The following ZNF418 variants were observed in gnomAD, a reference collection of about 807,000 sequenced individuals.
The protein encoded by ZNF418 is zinc finger protein 418.
A neutral mutation model predicts 32.0 loss-of-function variants in ZNF418; 32 were observed. The ratio of observed to expected loss-of-function variants is 1.00; its 90% CI spans 0.75 to 1.34. The LOEUF (loss-of-function observed/expected upper bound fraction) is 1.34, where lower values mean the gene tolerates loss of function less well. Ranked by LOEUF, ZNF418 falls within the 40% of genes most tolerant of loss-of-function variation. The probability of loss-of-function intolerance (pLI) is 0.00; values close to 1 mark genes in which losing one functional copy is unlikely to be tolerated. For synonymous variants in ZNF418, 276 were observed against 270.7 expected (o/e 1.02, Z -0.19); for missense variants, 804 against 812.5 (o/e 0.99, Z 0.13).
chr19:57,925,177 C>T (rs996434368), intron 4 of ZNF418, among the ~76,000 whole-genome samples: 6 of 152,094 alleles, frequency 3.9e-5, no homozygotes, highest in Middle Eastern at 6.8e-3. Flanking sequence ...TCACATGAGA[C>T]CCGCTGGGTG....
rs2072452782 is a variant in ZNF418 at position 57,930,759 on chromosome 19, A to T, written c.7-205T>A. 2.0e-5 allele frequency among the ~76,000 whole-genome samples: 3 copies of T among 152,048 alleles called. No homozygotes were observed. The South Asian group carries it at 6.2e-4, about 32-fold the overall frequency. ...TCAGCAATTAAGAAGTAGGGGAAAA[A>T]TAGGGATCTATGCTGTGCTTGTTTT... On this transcript the variant is annotated intron_variant, in intron 2 of 5. Transcript: ENST00000396147.
intron 3 of ZNF418, among the ~76,000 whole-genome samples, chr19:57,929,967 A>G (rs1427542472): frequency 6.6e-6 from 1 of 152,210 alleles, no homozygotes; most frequent in African/African-American, 2.4e-5. Flanking sequence ...TACAGGCGTG[A>G]GCCACCGCAC....
At position 57,934,256 on chromosome 19, in the gene ZNF418, G is replaced by A. The variant is rs1017167768; in HGVS notation, c.-80-354C>T. The A allele has an allele frequency of 1.2e-5, 12 of 1,025,622 alleles. No homozygotes were observed. In the South Asian group the frequency reaches 2.8e-4, roughly 24 times the overall value. 63.5% of individuals were successfully genotyped at this position (1,025,622 alleles called of 1,614,324 possible). Reference sequence around the variant, plus strand: ...GTTCCTTTTTTTGAGCCAGAGTTTCGCTCTTGTTGCCCAGGCCGGAGTGCA... The same window carrying A: ...GTTCCTTTTTTTGAGCCAGAGTTTCACTCTTGTTGCCCAGGCCGGAGTGCA... On this transcript the variant is annotated intron_variant, in intron 1 of 5. Coordinates refer to ENST00000396147, the MANE Select transcript of ZNF418 (RefSeq NM_133460.3).
intron 2 of ZNF418, among the ~76,000 whole-genome samples, chr19:57,933,021 A>G (rs2072543172): frequency 6.6e-6 from 1 of 152,166 alleles, no homozygotes; most frequent in Admixed American, 6.5e-5. Flanking sequence ...CAAGCAAGAA[A>G]TTCAGCCCTC....
In ZNF418 at chr19:57,932,563, C is replaced by T. The variant is rs1008732546; in HGVS notation, c.6+1254G>A. 17 of 1,533,692 alleles carry T rather than the reference C, an allele frequency of 1.1e-5. 1 individual carries two copies. The South Asian group carries it at 1.9e-4, about 17-fold the overall frequency. On this transcript the variant is annotated intron_variant, in intron 2 of 5. Coordinates refer to ENST00000396147, the MANE Select transcript of ZNF418 (RefSeq NM_133460.3). Reference sequence around the variant, plus strand: ...ATGGCCCTATTCCACTTCTGTGTTGCACTTGGTGACCCCTCTACAATGACG... The same window carrying T: ...ATGGCCCTATTCCACTTCTGTGTTGTACTTGGTGACCCCTCTACAATGACG...
In ZNF418 at chr19:57,927,012, CGAT is replaced by C. The variant is rs756589463; in HGVS notation, c.1166_1168del (p.His389del). The C allele has an allele frequency of 1.2e-6, 2 of 1,614,160 alleles. No individual in the cohort carries two copies. The highest frequency in any genetic ancestry group is 1.1e-5 in the South Asian group (1 of 91,080). ...ATAAGGTCGTTCTCTAGTGTGAACT[CGAT>C]GATGTTCAGTTAGGGTGCCCTTTTG... On this transcript the variant is annotated inframe_deletion, in exon 4 of 6. Coordinates refer to ENST00000396147, the MANE Select transcript of ZNF418 (RefSeq NM_133460.3).
In ZNF418 at chr19:57,935,273, G is replaced by T. The variant is rs892395670; in HGVS notation, c.-193C>A. 5.4e-6 allele frequency: 6 copies of T among 1,121,262 alleles called. No individual in the cohort carries two copies. Among genetic ancestry groups the T allele is most frequent in the Admixed American group, 8.8e-5 (2 of 22,654 alleles). 69.5% of individuals were successfully genotyped at this position (1,121,262 alleles called of 1,614,324 possible). A position where few individuals can be genotyped will look rare whatever the true frequency, so the allele number is the denominator to read the frequency against. ...AAGATCTGCCTCTGTGCAGCAAGAA[G>T]GACTCTTCACCTTCTGGGTTCAGAC... On this transcript the variant is annotated 5_prime_UTR_variant, in exon 1 of 6. Coordinates refer to ENST00000396147, the MANE Select transcript of ZNF418 (RefSeq NM_133460.3).
chr19:57,924,204 T>C (rs2072121884), intron 4 of ZNF418, among the ~76,000 whole-genome samples: 1 of 151,912 alleles, frequency 6.6e-6, no homozygotes, highest in Admixed American at 6.6e-5. Flanking sequence ...TTGACAACTA[T>C]ACAAAATCTC....
In ZNF418 at chr19:57,926,803, T is replaced by C; in HGVS notation, c.1378A>G (p.Arg460Gly). ...GERPYECRECRKLFRGKSHLI... is the reference protein window; with the variant it reads ...GERPYECRECGKLFRGKSHLI... ...TGGGACTTGCCCCTAAATAATTTCC[T>C]ACACTCTCTACACTCATAAGGCCTT... The change falls in exon 4 of 6, where the codon AGG becomes GGG. Residue 460 changes from arginine to glycine, a missense_variant. Physicochemically the swap from Arg to Gly is moderately radical, Grantham distance 125 (BLOSUM62 -2). This residue lies in a region of ZNF418 where 475 missense variants were observed against 458.6 expected (regional missense o/e 1.04). Transcript: ENST00000396147. 6.2e-7 allele frequency: 1 copy of C among 1,613,256 alleles called. No individual in the cohort carries two copies. The highest frequency in any genetic ancestry group is 1.3e-5 in the African/African-American group (1 of 74,736).
Position 57,925,798 on chromosome 19 carries a change from A to C in ZNF418, c.*352T>G, listed in dbSNP as rs1329390373. The C allele has an allele frequency of 4.6e-6, 1 of 219,338 alleles. No homozygotes were observed. Among genetic ancestry groups the C allele is most frequent in the African/African-American group, 2.3e-5 (1 of 43,824 alleles). 13.6% of individuals were successfully genotyped at this position (219,338 alleles called of 1,614,324 possible). A position where few individuals can be genotyped will look rare whatever the true frequency, so the allele number is the denominator to read the frequency against. On this transcript the variant is annotated 3_prime_UTR_variant, in exon 4 of 6. Transcript: ENST00000396147. ...GGGTGAAAAATGCCACACAGCTCCA[A>C]CATAATTGAGTTTATGCAGATGCTG...
rs202023602 is a variant in ZNF418, at chr19:57,927,916, C to T, written c.265G>A (p.Ala89Thr). ...KKAHSCEMCG[A>T]ILGDILHLAD... The stretch of plus-strand genomic sequence containing the variant: ...AAGTGCAAAATGTCTCCCAAGATCG[C>T]GCCACACATTTCACAAGAGTGGGCC... The change falls in exon 4 of 6, where the codon GCG becomes ACG. Residue 89 changes from alanine (A) to threonine (T), a missense_variant. By Grantham distance (58) the Ala-to-Thr change is moderately conservative (BLOSUM62 0). Transcript: ENST00000396147. 2.0e-5 allele frequency: 32 copies of T among 1,614,042 alleles called. No homozygotes were observed. The highest frequency in any genetic ancestry group is 1.5e-4 in the Admixed American group (9 of 59,994).
intron 3 of ZNF418, among the ~76,000 whole-genome samples, chr19:57,929,255 C>G (rs1461248031): frequency 6.6e-6 from 1 of 152,160 alleles, no homozygotes; most frequent in Non-Finnish European, 1.5e-5. Context: ...AAATACTAGT[C>G]AAATAGAATA....
At chr19:57,929,482 A>T (rs1460855089) in intron 3 of ZNF418, among the ~76,000 whole-genome samples, 1 of 152,208 alleles carries the variant, frequency 6.6e-6, no homozygotes, top group Non-Finnish European at 1.5e-5. Flanking sequence ...AACTGGGGCA[A>T]CTAGCCTCTG....
intron 1 of ZNF418, 151 bp from the exon 2 acceptor site, chr19:57,934,053 C>T (rs766476961): frequency 6.0e-5 from 87 of 1,450,322 alleles, no homozygotes; most frequent in Non-Finnish European, 7.8e-5. Flanking sequence ...AATGGGAATA[C>T]CTCCATACAT....
chr19:57,930,869 C>T (rs548866081), intron 2 of ZNF418, among the ~76,000 whole-genome samples: 18 of 152,312 alleles, frequency 1.2e-4, no homozygotes, highest in Admixed American at 5.2e-4. Context: ...CCTCTGCCTC[C>T]TGGGTTCAAG....
chr19:57,935,161 C>A lies in ZNF418; in HGVS notation c.-81G>T. 1 of 1,312,632 alleles carries A rather than the reference C, an allele frequency of 7.6e-7. No homozygotes were observed. The highest frequency in any genetic ancestry group is 9.9e-7 in the Non-Finnish European group (1 of 1,011,888). 81.3% of individuals were successfully genotyped at this position (1,312,632 alleles called of 1,614,324 possible). On this transcript the variant is annotated splice_region_variant and 5_prime_UTR_variant, in exon 1 of 6. It adds an upstream start codon to the 5' untranslated region. Coordinates refer to ENST00000396147, the MANE Select transcript of ZNF418 (RefSeq NM_133460.3). ...CTGAGGGCAGGGAAGGCACAATTAC[C>A]TGAGCCGGGAGCCTCAGCGCGGCCG...
At position 57,926,955 on chromosome 19, in the gene ZNF418, C is replaced by T. The variant is rs773985943; in HGVS notation, c.1226G>A (p.Arg409Gln). ...ECGECGKSFS[R>Q]KGHLRNHQRG... ...CTGATGGTTCCTAAGGTGTCCCTTTCGACTAAAAGATTTCCCACATTCTCC... is the reference window on the plus strand; with the variant it reads ...CTGATGGTTCCTAAGGTGTCCCTTTTGACTAAAAGATTTCCCACATTCTCC... The change falls in exon 4 of 6, where the codon CGA (arginine) becomes CAA (glutamine). Residue 409 changes from arginine to glutamine, a missense_variant. By Grantham distance (43) the Arg-to-Gln change is conservative (BLOSUM62 1). Transcript: ENST00000396147. The T allele has an allele frequency of 1.4e-5, 22 of 1,611,316 alleles. No homozygotes were observed. Among genetic ancestry groups the T allele is most frequent in the East Asian group, 1.3e-4 (6 of 44,586 alleles).
At chr19:57,924,336 G>GAGAT (rs1163034861) in intron 4 of ZNF418, among the ~76,000 whole-genome samples, 2 of 152,148 alleles carry the variant, frequency 1.3e-5, no homozygotes, top group African/African-American at 4.8e-5. Context: ...ACTGGACTAA[G>GAGAT]AGATCTCCCT....
Position 57,927,203 on chromosome 19 carries a change from A to G in ZNF418, c.978T>C (p.Asn326=). The change falls in exon 4 of 6, where the codon AAT becomes AAC. Residue 326 remains asparagine (N), a synonymous_variant. Coordinates refer to ENST00000396147, the MANE Select transcript of ZNF418 (RefSeq NM_133460.3). ...CTCGTTGATGTTTAATGAGAGTACC[A>G]TTTTGACTAAAAGATTTCCCACATT... ...CGECGKSFSQ[N]GTLIKHQRVH... 1 of 1,597,396 alleles carries G rather than the reference A, an allele frequency of 6.3e-7. No homozygotes were observed. Among genetic ancestry groups the G allele is most frequent in the South Asian group, 1.1e-5 (1 of 90,382 alleles).
Sources: allele counts gnomAD v4.1 joint callset (sites outside exome capture counted in the v4.1 genomes callset), GRCh38; gene constraint gnomAD v4.1.1; regional missense constraint gnomAD v4.1.1; transcripts MANE v1.5; gene names NCBI Gene and HGNC (gene_info 2026-07-23, HGNC 2026-07-21).